The following FSIP1 variants were observed in gnomAD, a reference collection of about 807,000 sequenced individuals.
FSIP1 encodes the protein fibrous sheath-interacting protein 1.
In FSIP1, 65 loss-of-function variants were observed where a neutral mutation model predicts 60.9. The observed-to-expected ratio is 1.07, with a 90% CI of 0.87 to 1.31. FSIP1 has a LOEUF of 1.31. FSIP1 is among the 40% of genes most tolerant of loss of function. The pLI is 0.00. For missense variants in FSIP1, 675 were observed against 665.5 expected, an observed-to-expected ratio of 1.01 and a Z score of -0.16; for synonymous variants, 209 against 221.2, an observed-to-expected ratio of 0.94 and a Z score of 0.49.
Position 39,738,044 on chromosome 15 carries a change from A to T in FSIP1, c.891+47T>A, listed in dbSNP as rs569528695. 23 of 1,070,804 alleles carry T rather than the reference A, an allele frequency of 2.1e-5. No homozygotes were observed. In the Middle Eastern group the frequency reaches 2.5e-3, roughly 116 times the overall value. The allele number at this position is 1,070,804 out of a possible 1,614,324, so 66.3% of individuals were successfully genotyped here. ...TACTGGGCCAATAATATTATTTTTTAAAATCTAAATTAAGAAGTGTAGTGT... is the reference window on the plus strand; with the variant it reads ...TACTGGGCCAATAATATTATTTTTTTAAATCTAAATTAAGAAGTGTAGTGT... On this transcript the variant is annotated intron_variant, in intron 8 of 11. Coordinates refer to ENST00000350221, the MANE Select transcript of FSIP1 (RefSeq NM_152597.5).
intron 8 of FSIP1, among the ~76,000 whole-genome samples, chr15:39,736,094 T>C (rs981739660): frequency 6.6e-6 from 1 of 152,246 alleles, no homozygotes; most frequent in African/African-American, 2.4e-5. Context: ...AGAGCTACGG[T>C]GTCACTAGGT....
rs1408329887 is a variant in FSIP1, at chr15:39,669,956, G to A, written c.1188+43488C>T. On this transcript the variant is annotated intron_variant, in intron 10 of 11. Coordinates refer to ENST00000350221, the MANE Select transcript of FSIP1 (RefSeq NM_152597.5). ...CTCATATCAGAGTGGAATCATGCTC[G>A]TTCTGGAAAAGTATTTCTTCCAACC... Among the ~76,000 whole-genome samples the A allele has an allele frequency of 2.0e-5, 3 of 152,288 alleles. No homozygotes were observed. In the South Asian group the frequency reaches 6.2e-4, roughly 32 times the overall value.
At chr15:39,645,825 G>C (rs1222319778) in intron 10 of FSIP1, among the ~76,000 whole-genome samples, 2 of 152,234 alleles carry the variant, frequency 1.3e-5, no homozygotes, top group Non-Finnish European at 2.9e-5. Flanking sequence ...ATCTCGGAGC[G>C]GGGTTGGGGC....
intron 8 of FSIP1, among the ~76,000 whole-genome samples, chr15:39,735,191 G>A (rs1037374048): frequency 3.3e-5 from 5 of 152,138 alleles, no homozygotes; most frequent in Non-Finnish European, 5.9e-5. Flanking sequence ...GTCGCTTAAC[G>A]ACAGGAATAT....
chr15:39,706,027 A>G (rs1394034386), intron 10 of FSIP1, among the ~76,000 whole-genome samples: 1 of 151,680 alleles, frequency 6.6e-6, no homozygotes, highest in Non-Finnish European at 1.5e-5. Flanking sequence ...ATCTTCTAAA[A>G]GTCTTCTATT....
chr15:39,661,554 A>G (rs1157210460), intron 10 of FSIP1, among the ~76,000 whole-genome samples: 1 of 152,232 alleles, frequency 6.6e-6, no homozygotes, highest in Non-Finnish European at 1.5e-5. Flanking sequence ...TGGTTCATTC[A>G]CCTTGAATTC....
chr15:39,753,339 C>G (rs1243804035), intron 5 of FSIP1, among the ~76,000 whole-genome samples: 1 of 152,058 alleles, frequency 6.6e-6, no homozygotes. Context: ...ATGAAGTTCA[C>G]ACAGCCTGAC....
intron 10 of FSIP1, among the ~76,000 whole-genome samples, chr15:39,626,031 G>A (rs1008715834): frequency 6.6e-6 from 1 of 152,142 alleles, no homozygotes; most frequent in Non-Finnish European, 1.5e-5. Flanking sequence ...GGAAGGTTGT[G>A]ATGGGGTCAG....
chr15:39,736,826 A>G (rs902120130), intron 8 of FSIP1, among the ~76,000 whole-genome samples: 2 of 152,196 alleles, frequency 1.3e-5, no homozygotes, highest in Non-Finnish European at 2.9e-5. Context: ...GTCTCAGCTG[A>G]AGCTCAGCTT....
intron 10 of FSIP1, among the ~76,000 whole-genome samples, chr15:39,678,524 C>T (rs953715173): frequency 2.6e-5 from 4 of 152,004 alleles, no homozygotes; most frequent in African/African-American, 9.7e-5. Context: ...AATATAAAAA[C>T]ATTCGTATTT....
intron 10 of FSIP1, among the ~76,000 whole-genome samples, chr15:39,668,746 C>T (rs1394869471): frequency 6.6e-6 from 1 of 152,170 alleles, no homozygotes; most frequent in Admixed American, 6.5e-5. Flanking sequence ...TCCTTGCTTG[C>T]TTACCACACT....
In FSIP1 at chr15:39,739,716, C is replaced by T. The variant is rs573375897; in HGVS notation, c.729G>A (p.Lys243=). The T allele has an allele frequency of 1.1e-4, 181 of 1,602,506 alleles. 2 individuals are homozygous for T. The South Asian group carries it at 2.0e-3, about 18-fold the overall frequency. ...GGTTGTGTTTACCCCTGAGCTCAAT[C>T]TTTTCTGTATTCGAGAAAGGTTTCT... ...SGKKPFSNTE[K]IELRGKHNQD... Residue 243 remains lysine, a synonymous_variant, in exon 7 of 12, where the codon AAG becomes AAA. Transcript: ENST00000350221.
chr15:39,625,097 T>C (rs1055308315), intron 10 of FSIP1, among the ~76,000 whole-genome samples: 1 of 152,148 alleles, frequency 6.6e-6, no homozygotes. Context: ...ACCCCACCCA[T>C]GCCTAGGCTA....
chr15:39,613,765 G>A (rs1891118343), intron 11 of FSIP1, among the ~76,000 whole-genome samples: 1 of 152,112 alleles, frequency 6.6e-6, no homozygotes, highest in Non-Finnish European at 1.5e-5. Context: ...ATGATCAAAT[G>A]GGCTTTATCC....
chr15:39,767,059 A>C (rs1897715973), intron 3 of FSIP1, among the ~76,000 whole-genome samples: 1 of 152,160 alleles, frequency 6.6e-6, no homozygotes. Flanking sequence ...TATGGTGCCC[A>C]GGCTGGTTTT....
chr15:39,774,161 G>C (rs1897978136), intron 2 of FSIP1, among the ~76,000 whole-genome samples: 1 of 152,086 alleles, frequency 6.6e-6, no homozygotes, highest in Non-Finnish European at 1.5e-5. Flanking sequence ...ACCCCAACCG[G>C]ATTTTTCAGA....
At chr15:39,666,623 T>A (rs1382568765) in intron 10 of FSIP1, among the ~76,000 whole-genome samples, 1 of 152,240 alleles carries the variant, frequency 6.6e-6, no homozygotes, top group Non-Finnish European at 1.5e-5. Flanking sequence ...CCAAATTTTT[T>A]AATTTTTCAA....
chr15:39,777,938 T>G (rs1301186294), intron 1 of FSIP1, among the ~76,000 whole-genome samples: 1 of 152,126 alleles, frequency 6.6e-6, no homozygotes, highest in Non-Finnish European at 1.5e-5. Flanking sequence ...AGCACAAATA[T>G]AAACAACCTG....
At chr15:39,664,286 T>C (rs1194093117) in intron 10 of FSIP1, among the ~76,000 whole-genome samples, 23 of 152,220 alleles carry the variant, frequency 1.5e-4, no homozygotes, top group Admixed American at 1.5e-3. Flanking sequence ...AAATTCTTTA[T>C]GCTTGAAAAG....
Sources: gnomAD v4.1 joint callset for allele counts (sites outside exome capture counted in the v4.1 genomes callset) on GRCh38, gnomAD v4.1.1 for gene constraint, MANE v1.5 for transcripts, NCBI Gene and HGNC (gene_info 2026-07-23, HGNC 2026-07-21) for gene names.